The following PDZD2 variants were observed in gnomAD, a reference collection of about 807,000 sequenced individuals.
PDZD2 encodes PDZ domain containing 2.
PDZD2 carries 90 observed loss-of-function variants against 220.7 expected under a neutral mutation model. The ratio of observed to expected loss-of-function variants is 0.41; its 90% CI spans 0.34 to 0.49. The LOEUF (loss-of-function observed/expected upper bound fraction) is 0.49. PDZD2 is among the 20% of genes least tolerant of loss of function. The pLI, the probability that PDZD2 is intolerant of heterozygous loss-of-function variation, is 0.28. For synonymous variants in PDZD2, 1,375 were observed against 1,450.5 expected (o/e 0.95, Z 1.18); for missense variants, 3,174 against 3,608.5 (o/e 0.88, Z 3.08).
chr5:31,680,183 C>T (rs1746597749), intron 1 of PDZD2, among the ~76,000 whole-genome samples: 1 of 152,080 alleles, frequency 6.6e-6, no homozygotes, highest in South Asian at 2.1e-4. Flanking sequence ...ACTGAATGGA[C>T]GGTGGGCTCG....
intron 1 of PDZD2, among the ~76,000 whole-genome samples, chr5:31,658,854 C>T (rs1745655616): frequency 1.3e-5 from 2 of 152,024 alleles, no homozygotes; most frequent in African/African-American, 2.4e-5. Flanking sequence ...TTCCTGACCT[C>T]GTGATCCGCC....
intron 2 of PDZD2, among the ~76,000 whole-genome samples, chr5:31,957,594 A>C (rs372195800): frequency 6.6e-6 from 1 of 152,184 alleles, no homozygotes; most frequent in East Asian, 1.9e-4. Flanking sequence ...CAGGTGATCA[A>C]CTCTAGCCTC....
intron 10 of PDZD2, among the ~76,000 whole-genome samples, chr5:32,054,980 C>G (rs1339348834): frequency 6.6e-6 from 1 of 152,134 alleles, no homozygotes; most frequent in Non-Finnish European, 1.5e-5. Context: ...ATTCCAAGTT[C>G]AATTCACTTT....
chr5:31,939,122 C>T (rs181012284), intron 2 of PDZD2, among the ~76,000 whole-genome samples: 11 of 152,242 alleles, frequency 7.2e-5, no homozygotes, highest in African/African-American at 2.6e-4. Flanking sequence ...GGCGCCCCAC[C>T]AGAGGTAGGG....
chr5:31,750,586 G>A (rs1750895662), intron 1 of PDZD2, among the ~76,000 whole-genome samples: 1 of 152,128 alleles, frequency 6.6e-6, no homozygotes, highest in Admixed American at 6.5e-5. Context: ...TGGTCCTGAG[G>A]GGCGCCGCTC....
intron 3 of PDZD2, among the ~76,000 whole-genome samples, chr5:31,986,343 A>T (rs1023398948): frequency 6.6e-6 from 1 of 152,148 alleles, no homozygotes; most frequent in Non-Finnish European, 1.5e-5. Flanking sequence ...GCCCCGGGTC[A>T]TACTTTTTGT....
At chr5:32,063,592 G>A (rs773836185) in intron 14 of PDZD2, among the ~76,000 whole-genome samples, 7 of 152,150 alleles carry the variant, frequency 4.6e-5, no homozygotes, top group Non-Finnish European at 8.8e-5. Flanking sequence ...CAGCCAGGGC[G>A]ATTCAGATCA....
intron 2 of PDZD2, among the ~76,000 whole-genome samples, chr5:31,966,522 C>A (rs1748775850): frequency 1.3e-5 from 2 of 152,144 alleles, no homozygotes; most frequent in African/African-American, 2.4e-5. Context: ...AACCAGGGGT[C>A]GCAGAGAGAT....
chr5:31,649,157 C>T lies in PDZD2; in HGVS notation c.-361+9720C>T, dbSNP rs562479237. On this transcript the variant is annotated intron_variant, in intron 1 of 24. Transcript: ENST00000438447. ...CCTCCCAGAGTTCTGGGATTACAGACATGAGCCACTGTGCCCGGCCAGAGG... is the reference window on the plus strand; with the variant it reads ...CCTCCCAGAGTTCTGGGATTACAGATATGAGCCACTGTGCCCGGCCAGAGG... 3.8e-4 allele frequency among the ~76,000 whole-genome samples: 58 copies of T among 151,934 alleles called. No individual in the cohort carries two copies. In the South Asian group the frequency reaches 0.012, roughly 31 times the overall value.
At chr5:32,075,445 A>G (rs1414995060) in intron 18 of PDZD2, among the ~76,000 whole-genome samples, 1 of 152,080 alleles carries the variant, frequency 6.6e-6, no homozygotes, top group East Asian at 1.9e-4. Flanking sequence ...TGATCCTTAT[A>G]TTTTTCCAAA....
chr5:31,817,994 A>G (rs1755579819), intron 2 of PDZD2, among the ~76,000 whole-genome samples: 1 of 128,494 alleles, frequency 7.8e-6, no homozygotes, highest in Admixed American at 8.3e-5. Context: ...TTTTTAGACA[A>G]GGTCTGTGTC....
At chr5:31,975,798 T>TTTTTTG (rs1749702873) in intron 2 of PDZD2, among the ~76,000 whole-genome samples, 1 of 47,604 alleles carries the variant, frequency 2.1e-5, no homozygotes, top group Non-Finnish European at 3.9e-5. Flanking sequence ...AGTCACTTTT[T>TTTTTTG]TTTTATTTAT....
chr5:31,983,651 G>C lies in PDZD2; in HGVS notation c.973G>C (p.Ala325Pro). Residue 325 changes from alanine (A) to proline (P), a missense_variant, in exon 3 of 25, where the codon GCA becomes CCA. By Grantham distance (27) the Ala-to-Pro change is conservative. Transcript: ENST00000438447. ...KTDFQSSDCL[A>P]REEVGRIWKM... Reference sequence around the variant, plus strand: ...GGACTTCCAATCGAGTGACTGCCTGGCACGGGTAAGGTTTGGTTTGATTAT... The same window carrying C: ...GGACTTCCAATCGAGTGACTGCCTGCCACGGGTAAGGTTTGGTTTGATTAT... The C allele has an allele frequency of 6.2e-7, 1 of 1,612,644 alleles. No individual in the cohort carries two copies. Among genetic ancestry groups the C allele is most frequent in the Non-Finnish European group, 8.5e-7 (1 of 1,179,002 alleles).
At chr5:31,776,761 G>T (rs1257210643) in intron 1 of PDZD2, among the ~76,000 whole-genome samples, 5 of 151,098 alleles carry the variant, frequency 3.3e-5, no homozygotes, top group Non-Finnish European at 5.9e-5. Context: ...CTATTCTCCT[G>T]CCTCAGCTTC....
In PDZD2 at chr5:32,087,497, A is replaced by G. The variant is rs1176865781; in HGVS notation, c.4049A>G (p.Gln1350Arg). Residue 1350 changes from glutamine to arginine, a missense_variant, in exon 20 of 25, where the codon CAG becomes CGG. This residue lies in a region of PDZD2 where 1,861 missense variants were observed against 2,001.0 expected (regional missense o/e 0.93). Coordinates refer to ENST00000438447, the MANE Select transcript of PDZD2 (RefSeq NM_178140.4). This position sits in a 1 kb window ranked among gnomAD's most constrained non-coding sequence, Gnocchi z 4.0. ...LPGDPLTSQE[Q>R]RQGAPGNHSK... The stretch of plus-strand genomic sequence containing the variant: ...GGAGACCCCCTCACATCCCAGGAGC[A>G]GAGACAGGGAGCTCCAGGTAACCAC... The G allele has an allele frequency of 6.2e-6, 10 of 1,613,210 alleles. No homozygotes were observed. Among genetic ancestry groups the G allele is most frequent in the Non-Finnish European group, 7.6e-6 (9 of 1,179,502 alleles).
chr5:31,919,711 A>AG (rs1468171462), intron 2 of PDZD2, among the ~76,000 whole-genome samples: 1 of 33,106 alleles, frequency 3.0e-5, no homozygotes, highest in East Asian at 2.0e-3. Context: ...GATAAAGAAA[A>AG]AAAAAAGGAA....
intron 8 of PDZD2, among the ~76,000 whole-genome samples, chr5:32,050,855 A>C (rs116487522): frequency 0.05 from 7,650 of 152,274 alleles, 247 homozygotes; most frequent in Non-Finnish European, 0.07. Flanking sequence ...AATAAGTATT[A>C]TCTAGATTTG....
At chr5:31,822,522 G>T (rs182442148) in intron 2 of PDZD2, 166 of 602,712 alleles carry the variant, frequency 2.8e-4, no homozygotes, top group African/African-American at 2.6e-3. Context: ...GGAAGCATCC[G>T]GCATCTTGTT....
At chr5:31,878,905 T>A (rs576717323) in intron 2 of PDZD2, among the ~76,000 whole-genome samples, 1 of 151,818 alleles carries the variant, frequency 6.6e-6, no homozygotes, top group African/African-American at 2.4e-5. Flanking sequence ...GCTAACCCAG[T>A]GTTTAAATAT....
Sources: gnomAD v4.1 joint callset for allele counts (sites outside exome capture counted in the v4.1 genomes callset) on GRCh38, gnomAD v4.1.1 for gene constraint, gnomAD v4.1.1 regional missense constraint, Gnocchi (gnomAD v3.1) non-coding constraint, MANE v1.5 for transcripts, NCBI Gene and HGNC (gene_info 2026-07-23, HGNC 2026-07-21) for gene names.